Variants in PTK2 observed in about 807,000 individuals in gnomAD.
PTK2 encodes the protein focal adhesion kinase 1.
A neutral mutation model predicts 150.1 loss-of-function variants in PTK2; 45 were observed. The observed-to-expected ratio is 0.30, with a 90% CI of 0.24 to 0.38. PTK2 has a LOEUF of 0.38. Among genes scored for constraint, PTK2 ranks in the 10% least tolerant of loss-of-function variants. The pLI, the probability that PTK2 is intolerant of heterozygous loss-of-function variation, is 1.00. For missense variants in PTK2, 919 were observed against 1,307.3 expected (o/e 0.70, Z 4.58); for synonymous variants, 432 against 449.2 (o/e 0.96, Z 0.48).
intron 22 of PTK2, chr8:140,732,646 G>A: frequency 2.0e-6 from 1 of 489,770 alleles, no homozygotes; most frequent in Non-Finnish European, 4.2e-6. Flanking sequence ...CTCCTCGAGG[G>A]CAGGAAAAGT....
At chr8:140,818,761 AT>A in intron 9 of PTK2, 118 bp downstream of exon 9, 2 of 1,137,808 alleles carry the variant, frequency 1.8e-6, no homozygotes, top group Non-Finnish European at 2.5e-6. Context: ...AAAAAATATC[AT>A]TTTATTGAAA....
At position 140,902,895 on chromosome 8, in the gene PTK2, T is replaced by C. The variant is rs185274223; in HGVS notation, c.-32-12126A>G. Among the ~76,000 whole-genome samples the C allele has an allele frequency of 2.0e-5, 3 of 146,550 alleles. No individual in the cohort carries two copies. In the East Asian group the frequency reaches 6.0e-4, roughly 29 times the overall value. On this transcript the variant is annotated intron_variant, in intron 2 of 31. Coordinates refer to ENST00000522684, the Ensembl canonical transcript of PTK2. The stretch of plus-strand genomic sequence containing the variant: ...ATTACAAAAATTTTCTCCCATTCTG[T>C]AGGTTGCCTGTTCACTCTGATGAGA...
chr8:140,889,869 C>A (rs774746094), intron 3 of PTK2, among the ~76,000 whole-genome samples: 67 of 152,332 alleles, frequency 4.4e-4, no homozygotes, highest in Non-Finnish European at 7.1e-4. Flanking sequence ...CTAGCATGCT[C>A]TTCTCCCACA....
At chr8:140,888,393 C>A (rs2100153055) in intron 3 of PTK2, among the ~76,000 whole-genome samples, 1 of 152,146 alleles carries the variant, frequency 6.6e-6, no homozygotes, top group Non-Finnish European at 1.5e-5. Context: ...TCATGCTATC[C>A]CAGGAAAGGG....
At chr8:140,729,405 C>T (rs1189070467) in intron 22 of PTK2, among the ~76,000 whole-genome samples, 1 of 152,180 alleles carries the variant, frequency 6.6e-6, no homozygotes, top group African/African-American at 2.4e-5. Flanking sequence ...TTCAAAACTT[C>T]CAAATCGGCT....
At chr8:140,661,112 T>C (rs1453744851) in intron 31 of PTK2, among the ~76,000 whole-genome samples, 2 of 152,224 alleles carry the variant, frequency 1.3e-5, no homozygotes, top group Admixed American at 6.5e-5. Context: ...ATTTGGCCTA[T>C]ACTGTAAAAG....
chr8:140,665,675 G>A (rs2090441917), intron 30 of PTK2, among the ~76,000 whole-genome samples: 1 of 152,130 alleles, frequency 6.6e-6, no homozygotes, highest in East Asian at 1.9e-4. Flanking sequence ...CAAATTACAT[G>A]TAATATGAAT....
chr8:140,858,971 TTATACCAACAAGG>T (rs2100134481), intron 5 of PTK2, among the ~76,000 whole-genome samples: 2 of 152,216 alleles, frequency 1.3e-5, no homozygotes, highest in Admixed American at 1.3e-4. Flanking sequence ...ACTTTTCCAT[TTATACCAACAAGG>T]TATACTGAAT....
Position 140,667,462 on chromosome 8 carries a change from CTCTCT to C in PTK2, c.2865+802_2865+806del, listed in dbSNP as rs869267803. Among the ~76,000 whole-genome samples the C allele has an allele frequency of 1.3e-3, 124 of 96,800 alleles. 1 individual carries two copies. The Middle Eastern group carries it at 0.031, about 24-fold the overall frequency. The allele number at this position is 96,800 out of a possible 152,430, so 63.5% of individuals were successfully genotyped here. ...GTGTCCTCTTTCTTTCTCTCTCTCT[CTCTCT>C]TTTTTTTTTTTTTTAAAGAGATGGG... is the stretch of plus-strand genomic sequence containing the variant. On this transcript the variant is annotated intron_variant, in intron 30 of 31. Coordinates refer to ENST00000522684, the Ensembl canonical transcript of PTK2.
chr8:140,856,645 A>G (rs888043328), intron 5 of PTK2, among the ~76,000 whole-genome samples: 2 of 152,288 alleles, frequency 1.3e-5, no homozygotes, highest in African/African-American at 4.8e-5. Flanking sequence ...ATTGACTGGG[A>G]AGGGTCAGTG....
intron 1 of PTK2, among the ~76,000 whole-genome samples, chr8:140,960,953 C>G (rs981239130): frequency 2.6e-5 from 4 of 152,110 alleles, no homozygotes; most frequent in African/African-American, 7.2e-5. Flanking sequence ...GCAATCCAGC[C>G]TAGGCAACAA....
intron 2 of PTK2, among the ~76,000 whole-genome samples, chr8:140,898,407 G>A (rs1202263857): frequency 6.6e-6 from 1 of 152,206 alleles, no homozygotes; most frequent in Non-Finnish European, 1.5e-5. Flanking sequence ...GAGAGCAAAT[G>A]TGGACTGGAA....
chr8:140,774,916 T>C (rs905402714), intron 14 of PTK2, among the ~76,000 whole-genome samples: 3 of 152,336 alleles, frequency 2.0e-5, no homozygotes, highest in South Asian at 2.1e-4. Flanking sequence ...GTTCTGGGAA[T>C]TGCCCACCTC....
intron 4 of PTK2, among the ~76,000 whole-genome samples, chr8:140,869,656 G>A (rs1225565950): frequency 6.6e-6 from 1 of 152,042 alleles, no homozygotes; most frequent in African/African-American, 2.4e-5. Flanking sequence ...AATAGAGAAT[G>A]AAATTGGGAA....
chr8:140,677,808 C>T (rs1277602547), intron 27 of PTK2, among the ~76,000 whole-genome samples: 1 of 152,222 alleles, frequency 6.6e-6, no homozygotes, highest in Non-Finnish European at 1.5e-5. Flanking sequence ...ATATCACTAT[C>T]ATATCATTCA....
At chr8:140,924,850 A>G (rs895271754) in intron 2 of PTK2, among the ~76,000 whole-genome samples, 1 of 152,240 alleles carries the variant, frequency 6.6e-6, no homozygotes, top group Non-Finnish European at 1.5e-5. Flanking sequence ...GCAAATTTTA[A>G]TAGAGCACAA....
intron 23 of PTK2, among the ~76,000 whole-genome samples, chr8:140,707,149 T>C (rs988269368): frequency 6.6e-6 from 1 of 152,144 alleles, no homozygotes; most frequent in African/African-American, 2.4e-5. Flanking sequence ...AAGATTAATA[T>C]AGATAGCAAG....
chr8:140,763,546 T>A (rs1358087831), intron 15 of PTK2, among the ~76,000 whole-genome samples: 3 of 152,082 alleles, frequency 2.0e-5, no homozygotes, highest in Non-Finnish European at 2.9e-5. Context: ...TTCAAGAGTT[T>A]ATCTAATTCA....
intron 2 of PTK2, among the ~76,000 whole-genome samples, chr8:140,904,634 T>C (rs917991155): frequency 2.6e-5 from 4 of 152,198 alleles, no homozygotes; most frequent in Non-Finnish European, 1.5e-5. Flanking sequence ...TCCTGGGCTT[T>C]TTTTTGGTTG....
Sources: gnomAD v4.1 joint callset for allele counts (sites outside exome capture counted in the v4.1 genomes callset) on GRCh38, gnomAD v4.1.1 for gene constraint, MANE v1.5 for transcripts, NCBI Gene and HGNC (gene_info 2026-07-23, HGNC 2026-07-21) for gene names.